Variants in FRMD5 observed in about 807,000 individuals in gnomAD.
The protein encoded by FRMD5 is FERM domain containing 5, also known as FERM domain-containing protein 5.
A neutral mutation model predicts 69.0 loss-of-function variants in FRMD5; 20 were observed. The observed-to-expected ratio is 0.29, with a 90% CI of 0.20 to 0.42. FRMD5 has a LOEUF of 0.42. FRMD5 is among the 10% of genes least tolerant of loss of function. The pLI, the probability that FRMD5 is intolerant of heterozygous loss-of-function variation, is 1.00. For missense variants in FRMD5, 595 were observed against 708.6 expected, an observed-to-expected ratio of 0.84 and a Z score of 1.82; for synonymous variants, 271 against 260.1, an observed-to-expected ratio of 1.04 and a Z score of -0.40.
intron 8 of FRMD5, among the ~76,000 whole-genome samples, chr15:43,891,616 G>A (rs2088794797): frequency 6.6e-6 from 1 of 152,158 alleles, no homozygotes; most frequent in African/African-American, 2.4e-5. Context: ...AGATGCTCCA[G>A]AACAGCCGGC....
At chr15:44,176,969 TAAAA>T (rs56687595) in intron 1 of FRMD5, among the ~76,000 whole-genome samples, 4 of 137,464 alleles carry the variant, frequency 2.9e-5, no homozygotes, top group Admixed American at 7.2e-5. Context: ...ATAAAATATG[TAAAA>T]AAAAAAAAAA....
At position 43,874,199 on chromosome 15, in the gene FRMD5, G is replaced by A. The variant is rs772948960; in HGVS notation, c.1399C>T (p.Pro467Ser). 4 of 1,614,086 alleles carry A rather than the reference G, an allele frequency of 2.5e-6. No individual in the cohort carries two copies. Among genetic ancestry groups the A allele is most frequent in the African/African-American group, 2.7e-5 (2 of 74,932 alleles). The change falls in exon 14 of 14, where the codon CCA becomes TCA. Residue 467 changes from proline (P) to serine (S), a missense_variant. Coordinates refer to ENST00000417257, the MANE Select transcript of FRMD5 (RefSeq NM_032892.5). The stretch of plus-strand genomic sequence containing the variant: ...AGGGCCTCCACCTCTGTAGCAGTTG[G>A]GGTGCTGGCTTCAGATTCCTTCTCC... ...EEEKESEASTPTATEVEALGG... is the reference protein window; with the variant it reads ...EEEKESEASTSTATEVEALGG...
At chr15:43,923,047 C>T (rs998842977) in intron 2 of FRMD5, among the ~76,000 whole-genome samples, 2 of 152,110 alleles carry the variant, frequency 1.3e-5, no homozygotes, top group African/African-American at 2.4e-5. Flanking sequence ...GTGGGGATGC[C>T]AGAGAGTACA....
At chr15:43,950,610 T>C (rs2090011736) in intron 1 of FRMD5, among the ~76,000 whole-genome samples, 1 of 152,104 alleles carries the variant, frequency 6.6e-6, no homozygotes, top group Non-Finnish European at 1.5e-5. Context: ...TCCTAAATAA[T>C]GTGGGCAGAG....
At chr15:44,117,991 C>CT (rs747747488) in intron 1 of FRMD5, among the ~76,000 whole-genome samples, 2,249 of 92,526 alleles carry the variant, frequency 0.024, 32 homozygotes, top group South Asian at 0.048. Context: ...TTCTTTTTTA[C>CT]TTTTTTTTTT....
chr15:43,965,537 C>G (rs1395748993), intron 1 of FRMD5, among the ~76,000 whole-genome samples: 2 of 151,478 alleles, frequency 1.3e-5, no homozygotes, highest in African/African-American at 4.9e-5. Flanking sequence ...CCATGCCACC[C>G]TCTAAAAGAT....
chr15:43,878,404 C>G lies in FRMD5; in HGVS notation c.1136-3942G>C, dbSNP rs117298852. ...CAGGACGGATTAAATCAACAGCCAG[C>G]ATCTACCTTAGATTTAGGTCTTAAT... On this transcript the variant is annotated intron_variant, in intron 13 of 13. Coordinates refer to ENST00000417257, the MANE Select transcript of FRMD5 (RefSeq NM_032892.5). Among the ~76,000 whole-genome samples the G allele has an allele frequency of 7.9e-3, 1,203 of 152,300 alleles. 42 individuals carry two copies. Among genetic ancestry groups the G allele is most frequent in the Admixed American group, 0.055 (845 of 15,296 alleles).
rs1484712690 is a variant in FRMD5, at chr15:43,874,125, C to T, written c.1473G>A (p.Glu491=). 4 of 1,613,994 alleles carry T rather than the reference C, an allele frequency of 2.5e-6. No homozygotes were observed. Among genetic ancestry groups the T allele is most frequent in the East Asian group, 2.2e-5 (1 of 44,892 alleles). ...TTAGAACAAACTTATTCACCTGTTC[C>T]TCCTCGGGCCCGCTGTGCCCCTGAC... ...ALCQGHSGPE[E]EQVNKFVLSV... is the part of the protein sequence containing the mutation. Residue 491 remains glutamate, a synonymous_variant, in exon 14 of 14, where the codon GAG becomes GAA. Transcript: ENST00000417257.
At chr15:44,084,195 G>C (rs1894100898) in intron 1 of FRMD5, among the ~76,000 whole-genome samples, 1 of 151,806 alleles carries the variant, frequency 6.6e-6, no homozygotes, top group Non-Finnish European at 1.5e-5. Flanking sequence ...TTTATGTTTT[G>C]ACTACCAAAT....
At chr15:43,892,421 G>A (rs879736620) in intron 7 of FRMD5, among the ~76,000 whole-genome samples, 4 of 152,198 alleles carry the variant, frequency 2.6e-5, no homozygotes, top group Admixed American at 2.0e-4. Context: ...GAGTTTGAAA[G>A]TCATTTAAAT....
intron 13 of FRMD5, among the ~76,000 whole-genome samples, chr15:43,874,855 G>T (rs557994463): frequency 6.6e-6 from 1 of 152,104 alleles, no homozygotes; most frequent in Non-Finnish European, 1.5e-5. Context: ...AGCTGAGATC[G>T]CACTATTACA....
chr15:44,092,742 C>T (rs903767810), intron 1 of FRMD5, among the ~76,000 whole-genome samples: 2 of 152,088 alleles, frequency 1.3e-5, no homozygotes, highest in Non-Finnish European at 2.9e-5. Flanking sequence ...CCAGAATCCT[C>T]TCCCACCTCT....
chr15:44,122,610 G>C (rs1481854015), intron 1 of FRMD5, among the ~76,000 whole-genome samples: 1 of 152,046 alleles, frequency 6.6e-6, no homozygotes, highest in African/African-American at 2.4e-5. Flanking sequence ...TAATGGCTGG[G>C]CATGGTGCTC....
intron 1 of FRMD5, among the ~76,000 whole-genome samples, chr15:43,992,441 C>T (rs1037000474): frequency 8.7e-5 from 13 of 149,960 alleles, no homozygotes; most frequent in Admixed American, 6.7e-4. Flanking sequence ...AGCCGTGGTG[C>T]GATATCAGCT....
chr15:44,086,527 CAGAT>C (rs1350251827), intron 1 of FRMD5, among the ~76,000 whole-genome samples: 8 of 152,064 alleles, frequency 5.3e-5, no homozygotes, highest in Non-Finnish European at 1.2e-4. Context: ...AGACAGAAAG[CAGAT>C]TAGTGGTTGC....
At chr15:44,063,369 T>G (rs963005985) in intron 1 of FRMD5, 1 of 160,168 alleles carries the variant, frequency 6.2e-6, no homozygotes, top group Non-Finnish European at 1.4e-5. Flanking sequence ...CATGTATTTA[T>G]GTATTTTAAT....
At chr15:43,968,151 T>C (rs1387283927) in intron 1 of FRMD5, among the ~76,000 whole-genome samples, 2 of 152,178 alleles carry the variant, frequency 1.3e-5, no homozygotes, top group Non-Finnish European at 2.9e-5. Flanking sequence ...ATACTTATCA[T>C]CCAGCTTCAA....
chr15:43,883,815 G>A lies in FRMD5; in HGVS notation c.1029-6C>T, dbSNP rs769377707. ...GGCTGGGAACCATCCCTGCTCTGAG[G>A]TTAAAGAAAAAGAACCTTGTTAATT... On this transcript the variant is annotated splice_region_variant and splice_polypyrimidine_tract_variant and intron_variant, in intron 12 of 13. Transcript: ENST00000417257. The A allele has an allele frequency of 2.2e-5, 35 of 1,610,672 alleles. No homozygotes were observed. The highest frequency in any genetic ancestry group is 4.0e-5 in the African/African-American group (3 of 74,876).
intron 1 of FRMD5, among the ~76,000 whole-genome samples, chr15:43,980,592 A>T (rs1172120746): frequency 6.6e-6 from 1 of 152,158 alleles, no homozygotes; most frequent in Non-Finnish European, 1.5e-5. Context: ...TCTTGACACC[A>T]TTCTTGTCTC....
Sources: allele counts gnomAD v4.1 joint callset (sites outside exome capture counted in the v4.1 genomes callset), GRCh38; gene constraint gnomAD v4.1.1; transcripts MANE v1.5; gene names NCBI Gene and HGNC (gene_info 2026-07-23, HGNC 2026-07-21).